ATAD3C: variants seen among roughly 807,000 people sequenced by gnomAD.
ATAD3C encodes ATPase family AAA domain containing 3C, also known as ATPase family AAA domain-containing protein 3C.
A neutral mutation model predicts 46.3 loss-of-function variants in ATAD3C; 38 were observed. The observed-to-expected ratio is 0.82, with a 90% CI of 0.63 to 1.08. The LOEUF (loss-of-function observed/expected upper bound fraction) is 1.08, where lower values mean the gene tolerates loss of function less well. ATAD3C is among the 50% of genes least tolerant of loss of function. ATAD3C has a pLI of 0.00. For synonymous variants in ATAD3C, 220 were observed against 236.4 expected (o/e 0.93, Z 0.63); for missense variants, 563 against 572.7 (o/e 0.98, Z 0.17).
chr1:1,460,850 G>A lies in ATAD3C; in HGVS notation c.913G>A (p.Glu305Lys), dbSNP rs1407805597. 6.2e-7 allele frequency: 1 copy of A among 1,613,192 alleles called. No individual in the cohort carries two copies. Among genetic ancestry groups the A allele is most frequent in the South Asian group, 1.1e-5 (1 of 90,966 alleles). Residue 305 changes from glutamate (E) to lysine (K), a missense_variant, in exon 10 of 12, where the codon GAG (glutamate) becomes AAG (lysine). Glu to Lys is a moderately conservative substitution (Grantham distance 56, BLOSUM62 1). Around this residue, in one of 3 missense-constraint regions of ATAD3C, gnomAD observed 273 missense variants for 253.5 expected, o/e 1.08. Transcript: ENST00000378785. ...MVHFDLPGQE[E>K]RARLVRMYLN... ...CCACTTCGACCTGCCAGGGCAGGAGGAGCGGGCGCGCCTGGTGAGAATGTA... is the reference window on the plus strand; with the variant it reads ...CCACTTCGACCTGCCAGGGCAGGAGAAGCGGGCGCGCCTGGTGAGAATGTA...
At position 1,459,914 on chromosome 1, in the gene ATAD3C, C is replaced by G. The variant is rs1428163330; in HGVS notation, c.812+683C>G. ...AGTCCTGCTGGTCGGCCGTGGCTGA[C>G]TCCTCAGGCACGTTGGGCTCCTGGG... On this transcript the variant is annotated intron_variant, in intron 9 of 11. Coordinates refer to ENST00000378785, the MANE Select transcript of ATAD3C (RefSeq NM_001039211.3). The surrounding 1 kb of genome is among the most constrained non-coding windows in gnomAD (Gnocchi z 4.9). Among the ~76,000 whole-genome samples, 1 of 152,014 alleles carries G rather than the reference C, an allele frequency of 6.6e-6. No individual in the cohort carries two copies. Among genetic ancestry groups the G allele is most frequent in the Non-Finnish European group, 1.5e-5 (1 of 67,964 alleles).
At chr1:1,454,791 C>T (rs113727072) in intron 4 of ATAD3C, among the ~76,000 whole-genome samples, 12,026 of 151,754 alleles carry the variant, frequency 0.079, 1,338 homozygotes, top group East Asian at 0.47. Flanking sequence ...GGCCGTCTGT[C>T]GGGGAAGCTG....
In ATAD3C at chr1:1,462,187, G is replaced by A. The variant is rs533761394; in HGVS notation, c.981-413G>A. 2.0e-5 allele frequency among the ~76,000 whole-genome samples: 3 copies of A among 152,098 alleles called. No individual in the cohort carries two copies. The highest frequency in any genetic ancestry group is 2.1e-4 in the South Asian group (1 of 4,812). On this transcript the variant is annotated intron_variant, in intron 10 of 11. Coordinates refer to ENST00000378785, the MANE Select transcript of ATAD3C (RefSeq NM_001039211.3). This position sits in a 1 kb window ranked among gnomAD's most constrained non-coding sequence, Gnocchi z 4.5. The stretch of plus-strand genomic sequence containing the variant: ...CTGCTCCATGCTAGACCAGCTTTCC[G>A]GGTCTCAGTTTCCCTATGCCCTCCC...
At chr1:1,461,911 T>A (rs953279071) in intron 10 of ATAD3C, among the ~76,000 whole-genome samples, 7 of 152,160 alleles carry the variant, frequency 4.6e-5, no homozygotes, top group Non-Finnish European at 8.8e-5. Context: ...GGCTCCCTGT[T>A]GCTGGCGGTG....
chr1:1,450,585 G>A lies in ATAD3C; in HGVS notation c.-99G>A, dbSNP rs1235900646. The A allele has an allele frequency of 2.7e-6, 4 of 1,465,728 alleles. No homozygotes were observed. Among genetic ancestry groups the A allele is most frequent in the Admixed American group, 2.0e-5 (1 of 50,492 alleles). 90.8% of individuals were successfully genotyped at this position (1,465,728 alleles called of 1,614,324 possible). A position where few individuals can be genotyped will look rare whatever the true frequency, so the allele number is the denominator to read the frequency against. Reference sequence around the variant, plus strand: ...CTGGGGGCTTTGAGGTCGAGGCGTGGCCGTGGATTCCAGAAAGCCCCTTGG... The same window carrying A: ...CTGGGGGCTTTGAGGTCGAGGCGTGACCGTGGATTCCAGAAAGCCCCTTGG... On this transcript the variant is annotated 5_prime_UTR_variant, in exon 1 of 12. Coordinates refer to ENST00000378785, the MANE Select transcript of ATAD3C (RefSeq NM_001039211.3).
chr1:1,460,818 T>C lies in ATAD3C; in HGVS notation c.881T>C (p.Val294Ala), dbSNP rs766000372. Residue 294 changes from valine to alanine, a missense_variant, in exon 10 of 12, where the codon GTG (valine) becomes GCG (alanine). Val to Ala is a moderately conservative substitution (Grantham distance 64). Coordinates refer to ENST00000378785, the MANE Select transcript of ATAD3C (RefSeq NM_001039211.3). ...TGGGCCATCAATGCCTGCATCGACG[T>C]GATGGTCCACTTCGACCTGCCAGGG... ...FDWAINACID[V>A]MVHFDLPGQE... is the part of the protein sequence containing the mutation. The C allele has an allele frequency of 6.2e-7, 1 of 1,612,864 alleles. No individual in the cohort carries two copies. Among genetic ancestry groups the C allele is most frequent in the Non-Finnish European group, 8.5e-7 (1 of 1,179,444 alleles).
Position 1,450,342 on chromosome 1 carries a change from G to T in ATAD3C, c.-342G>T. Reference sequence around the variant, plus strand: ...CGTCTCAAAAAAAAAAAAAAAAAAAGCATGTGTAACGTGAAAAAATGGACA... The same window carrying T: ...CGTCTCAAAAAAAAAAAAAAAAAAATCATGTGTAACGTGAAAAAATGGACA... On this transcript the variant is annotated 5_prime_UTR_variant, in exon 1 of 12. Coordinates refer to ENST00000378785, the MANE Select transcript of ATAD3C (RefSeq NM_001039211.3). The T allele has an allele frequency of 5.1e-6, 1 of 196,468 alleles. No individual in the cohort carries two copies. The highest frequency in any genetic ancestry group is 1.0e-5 in the Non-Finnish European group (1 of 99,350). The allele number at this position is 196,468 out of a possible 1,614,324, so 12.2% of individuals were successfully genotyped here.
In ATAD3C at chr1:1,459,175, G is replaced by A; in HGVS notation, c.756G>A (p.Glu252=). The stretch of plus-strand genomic sequence containing the variant: ...TCTCTCTGCAGGAGAAGATAAGCGA[G>A]GACCTCAGGGCCACACTGAACGCCT... ...LRKRATEKIS[E]DLRATLNAFL... Residue 252 remains glutamate, a synonymous_variant, in exon 9 of 12, where the codon GAG becomes GAA. Coordinates refer to ENST00000378785, the MANE Select transcript of ATAD3C (RefSeq NM_001039211.3). The surrounding 1 kb of genome is among the most constrained non-coding windows in gnomAD (Gnocchi z 4.9). 1 of 1,612,178 alleles carries A rather than the reference G, an allele frequency of 6.2e-7. No individual in the cohort carries two copies.
At chr1:1,455,408 C>A (rs1443550491) in intron 4 of ATAD3C, 52 bp from the exon 5 acceptor site, 1 of 1,601,168 alleles carries the variant, frequency 6.2e-7, no homozygotes, top group Non-Finnish European at 8.5e-7. Flanking sequence ...GCGTTGGTGG[C>A]TGTTCCGTGG....
chr1:1,458,343 T>C (rs1019997728), intron 8 of ATAD3C, among the ~76,000 whole-genome samples: 3 of 150,808 alleles, frequency 2.0e-5, no homozygotes, highest in African/African-American at 7.3e-5. Context: ...GGCGCGATCT[T>C]GGCTCACCGC....
intron 11 of ATAD3C, among the ~76,000 whole-genome samples, chr1:1,467,151 G>A (rs1166950531): frequency 1.3e-5 from 2 of 152,004 alleles, no homozygotes; most frequent in African/African-American, 4.8e-5. Context: ...AGGAGGCCAC[G>A]TGACATTTAG....
Position 1,462,602 on chromosome 1 carries a change from G to C in ATAD3C, c.983G>C (p.Arg328Pro), listed in dbSNP as rs371005081. The change falls in exon 11 of 12, where the codon CGT (arginine) becomes CCT (proline). Residue 328 changes from arginine to proline, a missense_variant and splice_region_variant. Arg to Pro is a moderately radical substitution (Grantham distance 103). Around this residue, in one of 3 missense-constraint regions of ATAD3C, gnomAD observed 273 missense variants for 253.5 expected, o/e 1.08. Coordinates refer to ENST00000378785, the MANE Select transcript of ATAD3C (RefSeq NM_001039211.3). The surrounding 1 kb of genome is among the most constrained non-coding windows in gnomAD (Gnocchi z 4.5). ...CCACTTGGGAACTCCTTCCCCAGGC[G>C]TCTGAAGCTGGCCCAGTTTGACTAC... is the stretch of plus-strand genomic sequence containing the variant. ...VLKPATEGKR[R>P]LKLAQFDYGR... The C allele has an allele frequency of 6.3e-7, 1 of 1,594,512 alleles. No homozygotes were observed.
At chr1:1,453,288 C>T (rs1295483215) in intron 3 of ATAD3C, among the ~76,000 whole-genome samples, 1 of 152,040 alleles carries the variant, frequency 6.6e-6, no homozygotes, top group Admixed American at 6.6e-5. Context: ...CTGCAACCTG[C>T]GCCTCCCGGG....
chr1:1,460,519 G>A (rs755965698), intron 9 of ATAD3C, among the ~76,000 whole-genome samples: 7 of 152,052 alleles, frequency 4.6e-5, no homozygotes, highest in Admixed American at 2.0e-4. Flanking sequence ...AGTACCACAC[G>A]GGGCAAGAAC....
At chr1:1,460,569 G>T (rs1230538712) in intron 9 of ATAD3C, among the ~76,000 whole-genome samples, 181 bp from the exon 10 acceptor site, 1 of 152,052 alleles carries the variant, frequency 6.6e-6, no homozygotes, top group Admixed American at 6.6e-5. Flanking sequence ...GCTGGGCGTG[G>T]TGGGGCAGGC....
At chr1:1,467,503 C>T (rs983862059) in intron 11 of ATAD3C, among the ~76,000 whole-genome samples, 3 of 152,066 alleles carry the variant, frequency 2.0e-5, no homozygotes, top group Admixed American at 1.3e-4. Flanking sequence ...GGACGGGCAC[C>T]ACGTGGTCAT....
In ATAD3C at chr1:1,449,843, C is replaced by G. The variant is rs1276284290; in HGVS notation, c.-841C>G. ...TCCTCAGCAGCTCAGAGAATACGTA[C>G]TTCTGTCCCAGGTCACCCAAACATT... On this transcript the variant is annotated 5_prime_UTR_variant, in exon 1 of 12. Coordinates refer to ENST00000378785, the MANE Select transcript of ATAD3C (RefSeq NM_001039211.3). The G allele has an allele frequency of 6.6e-6, 1 of 152,068 alleles. No individual in the cohort carries two copies. The highest frequency in any genetic ancestry group is 2.4e-5 in the African/African-American group (1 of 41,444). The allele number at this position is 152,068 out of a possible 1,614,324, so 9.4% of individuals were successfully genotyped here.
chr1:1,452,276 G>A, intron 2 of ATAD3C, 89 bp from the exon 3 acceptor site: 9 of 1,601,516 alleles, frequency 5.6e-6, no homozygotes, highest in Non-Finnish European at 7.7e-6. Flanking sequence ...GGACCAGGCT[G>A]CTGTGTCAAG....
rs1252845236 is a variant in ATAD3C, at chr1:1,469,118, A to T, written c.*588A>T. 1 of 146,342 alleles carries T rather than the reference A, an allele frequency of 6.8e-6. No homozygotes were observed. Among genetic ancestry groups the T allele is most frequent in the African/African-American group, 2.6e-5 (1 of 38,686 alleles). 9.1% of individuals were successfully genotyped at this position (146,342 alleles called of 1,614,324 possible). On this transcript the variant is annotated 3_prime_UTR_variant, in exon 12 of 12. Coordinates refer to ENST00000378785, the MANE Select transcript of ATAD3C (RefSeq NM_001039211.3). ...CTCTCCTAAAAAAAAAAAAAAAAAA[A>T]AAAAAAAAAAAAAAAAAATTAGCCG...
Sources: allele counts gnomAD v4.1 joint callset (sites outside exome capture counted in the v4.1 genomes callset), GRCh38; gene constraint gnomAD v4.1.1; regional missense constraint gnomAD v4.1.1; non-coding constraint Gnocchi (gnomAD v3.1); transcripts MANE v1.5; gene names NCBI Gene and HGNC (gene_info 2026-07-23, HGNC 2026-07-21).